CTDSPL: variants seen among roughly 807,000 people sequenced by gnomAD.
The protein encoded by CTDSPL is CTD small phosphatase like, also known as CTD small phosphatase-like protein.
In CTDSPL, 8 loss-of-function variants were observed where a neutral mutation model predicts 30.5. The observed-to-expected ratio is 0.26, with a 90% confidence interval of 0.15 to 0.47. The LOEUF (loss-of-function observed/expected upper bound fraction) is 0.47. Among genes scored for constraint, CTDSPL ranks in the 20% least tolerant of loss-of-function variants. The probability of loss-of-function intolerance (pLI) is 0.99; values close to 1 mark genes in which losing one functional copy is unlikely to be tolerated. For missense variants in CTDSPL, 248 were observed against 366.1 expected, an observed-to-expected ratio of 0.68 and a Z score of 2.63; for synonymous variants, 110 against 137.9, an observed-to-expected ratio of 0.80 and a Z score of 1.42.
At chr3:37,961,153 A>T (rs1002606437) in intron 3 of CTDSPL, among the ~76,000 whole-genome samples, 1 of 152,118 alleles carries the variant, frequency 6.6e-6, no homozygotes, top group East Asian at 1.9e-4. Context: ...CCAAGTGGCT[A>T]CTCAGTTGTC....
chr3:37,960,529 TATATATACACACACAC>T (rs1448731971), intron 3 of CTDSPL, among the ~76,000 whole-genome samples: 97 of 59,714 alleles, frequency 1.6e-3, no homozygotes, highest in Non-Finnish European at 2.0e-3. Context: ...TATATATATA[TATATATACACACACAC>T]ACACACACAC....
intron 1 of CTDSPL, among the ~76,000 whole-genome samples, chr3:37,921,643 A>ACACACACG (rs1491173220): frequency 1.4e-5 from 2 of 143,282 alleles, no homozygotes; most frequent in African/African-American, 5.1e-5. Flanking sequence ...ACACACACAC[A>ACACACACG]CTCACACAAA....
At position 37,861,887 on chromosome 3, in the gene CTDSPL, C is replaced by T. The variant is rs1430072717; in HGVS notation, c.-313C>T. The stretch of plus-strand genomic sequence containing the variant: ...CTCCCGCCCTCGCTCGCTCCTTCCC[C>T]CTCGCCCGCCCGCTCCCGCTTCCAG... On this transcript the variant is annotated 5_prime_UTR_variant, in exon 1 of 8. Coordinates refer to ENST00000273179, the MANE Select transcript of CTDSPL (RefSeq NM_001008392.2). 7.2e-6 allele frequency: 1 copy of T among 139,396 alleles called. No homozygotes were observed. Among genetic ancestry groups the T allele is most frequent in the Non-Finnish European group, 1.6e-5 (1 of 63,362 alleles). The allele number at this position is 139,396 out of a possible 1,614,324, so 8.6% of individuals were successfully genotyped here. A position where few individuals can be genotyped will look rare whatever the true frequency, so the allele number is the denominator to read the frequency against.
chr3:37,975,976 A>T lies in CTDSPL; in HGVS notation c.705+82A>T. 7.0e-7 allele frequency: 1 copy of T among 1,424,372 alleles called. No homozygotes were observed. Among genetic ancestry groups the T allele is most frequent in the Non-Finnish European group, 9.6e-7 (1 of 1,038,352 alleles). The allele number at this position is 1,424,372 out of a possible 1,614,324, so 88.2% of individuals were successfully genotyped here. A position where few individuals can be genotyped will look rare whatever the true frequency, so the allele number is the denominator to read the frequency against. ...AGGCAGGTACCACTTTTGAGCACCT[A>T]CACAAGAAGGTCTCTGGGCCTTTTC... On this transcript the variant is annotated intron_variant, in intron 7 of 7. Transcript: ENST00000273179. This position sits in a 1 kb window ranked among gnomAD's most constrained non-coding sequence, Gnocchi z 4.9.
At chr3:37,910,676 T>C (rs1014548223) in intron 1 of CTDSPL, among the ~76,000 whole-genome samples, 22 of 152,354 alleles carry the variant, frequency 1.4e-4, no homozygotes, top group African/African-American at 5.1e-4. Context: ...TAAAATATTA[T>C]AAAATCAAGC....
At chr3:37,919,566 ATAG>A (rs773157441) in intron 1 of CTDSPL, among the ~76,000 whole-genome samples, 5 of 152,212 alleles carry the variant, frequency 3.3e-5, no homozygotes, top group Non-Finnish European at 7.3e-5. Flanking sequence ...GGATTACTTA[ATAG>A]TAGTAGGAGT....
intron 1 of CTDSPL, among the ~76,000 whole-genome samples, chr3:37,877,479 C>T (rs1379121360): frequency 2.0e-5 from 3 of 152,170 alleles, no homozygotes; most frequent in African/African-American, 4.8e-5. Context: ...ATGTATGCCA[C>T]CTTTGCCTAT....
chr3:37,970,953 G>T (rs1428964681), intron 5 of CTDSPL, among the ~76,000 whole-genome samples: 2 of 152,178 alleles, frequency 1.3e-5, no homozygotes, highest in African/African-American at 4.8e-5. Flanking sequence ...ACAGAAGGTG[G>T]CAGCCGGAGC....
At chr3:37,965,936 T>A (rs919092076) in intron 4 of CTDSPL, among the ~76,000 whole-genome samples, 1 of 152,202 alleles carries the variant, frequency 6.6e-6, no homozygotes, top group South Asian at 2.1e-4. Context: ...ATATGGTGAC[T>A]TTGTGTCCCA....
intron 1 of CTDSPL, among the ~76,000 whole-genome samples, chr3:37,896,968 G>T (rs1356577252): frequency 6.6e-6 from 1 of 152,188 alleles, no homozygotes; most frequent in Admixed American, 6.5e-5. Flanking sequence ...GGCCCAGGCT[G>T]GCACTTTAAT....
In CTDSPL at chr3:37,938,541, T is replaced by G. The variant is rs139950834; in HGVS notation, c.80-8516T>G. On this transcript the variant is annotated intron_variant, in intron 1 of 7. Coordinates refer to ENST00000273179, the MANE Select transcript of CTDSPL (RefSeq NM_001008392.2). Reference sequence around the variant, plus strand: ...AGCTGGATGTGGACCCAGTTGTGCCTCCATCTGTTGGCATAAACATAAACA... The same window carrying G: ...AGCTGGATGTGGACCCAGTTGTGCCGCCATCTGTTGGCATAAACATAAACA... 1.3e-3 allele frequency among the ~76,000 whole-genome samples: 190 copies of G among 150,236 alleles called. 5 individuals are homozygous for G. Among genetic ancestry groups the G allele is most frequent in the African/African-American group, 3.7e-3 (155 of 41,364 alleles).
intron 6 of CTDSPL, among the ~76,000 whole-genome samples, chr3:37,973,101 A>G (rs578234557): frequency 2.6e-5 from 4 of 152,364 alleles, no homozygotes; most frequent in African/African-American, 9.6e-5. Context: ...GCCTTAGAGC[A>G]TGAACCAGTG....
chr3:37,963,838 A>G (rs948135283), intron 3 of CTDSPL, among the ~76,000 whole-genome samples: 1 of 152,106 alleles, frequency 6.6e-6, no homozygotes, highest in African/African-American at 2.4e-5. Context: ...ATTAAAGTAT[A>G]ACTTTCAGAG....
intron 1 of CTDSPL, among the ~76,000 whole-genome samples, chr3:37,924,707 T>TA: frequency 6.6e-6 from 1 of 152,348 alleles, no homozygotes; most frequent in African/African-American, 2.4e-5. Flanking sequence ...TGTAGTTTCT[T>TA]ATGTGTTGTT....
At chr3:37,967,927 G>C in intron 5 of CTDSPL, 45 bp downstream of exon 5, 1 of 1,292,190 alleles carries the variant, frequency 7.7e-7, no homozygotes, top group African/African-American at 1.5e-5. Context: ...AGATTTTTTA[G>C]TACTTACATT....
At chr3:37,905,581 G>A (rs1336038178) in intron 1 of CTDSPL, among the ~76,000 whole-genome samples, 1 of 152,086 alleles carries the variant, frequency 6.6e-6, no homozygotes. Flanking sequence ...GCCTGAGCTA[G>A]GCTTCCTTCC....
At chr3:37,863,938 T>A (rs564553088) in intron 1 of CTDSPL, among the ~76,000 whole-genome samples, 1 of 152,336 alleles carries the variant, frequency 6.6e-6, no homozygotes, top group Admixed American at 6.5e-5. Flanking sequence ...TCTAAAAAAT[T>A]CTGCAAGAGA....
chr3:37,920,209 C>G (rs972597533), intron 1 of CTDSPL, among the ~76,000 whole-genome samples: 11 of 152,142 alleles, frequency 7.2e-5, no homozygotes, highest in African/African-American at 2.2e-4. Context: ...CCACTTGAAG[C>G]CTTTGAGGAT....
chr3:37,978,574 A>G (rs1362088993), intron 7 of CTDSPL, among the ~76,000 whole-genome samples: 1 of 152,222 alleles, frequency 6.6e-6, no homozygotes, highest in African/African-American at 2.4e-5. Flanking sequence ...ACCACCTGGC[A>G]CACGAGGTCA....
Sources: gnomAD v4.1 joint callset for allele counts (sites outside exome capture counted in the v4.1 genomes callset) on GRCh38, gnomAD v4.1.1 for gene constraint, Gnocchi (gnomAD v3.1) non-coding constraint, MANE v1.5 for transcripts, NCBI Gene and HGNC (gene_info 2026-07-23, HGNC 2026-07-21) for gene names.